Variants in PIEZO2 observed in about 807,000 individuals in gnomAD.
The protein encoded by PIEZO2 is piezo type mechanosensitive ion channel component 2.
Under a neutral mutation model 337.3 loss-of-function variants are expected in PIEZO2, and 172 were observed. The ratio of observed to expected loss-of-function variants is 0.51; its 90% CI spans 0.45 to 0.58. The LOEUF (loss-of-function observed/expected upper bound fraction) is 0.58, where lower values mean the gene tolerates loss of function less well. Ranked by LOEUF, PIEZO2 falls within the 20% of genes least tolerant of loss-of-function variation. The probability of loss-of-function intolerance (pLI) is 0.00; values close to 1 mark genes in which losing one functional copy is unlikely to be tolerated. For synonymous variants in PIEZO2, 1,251 were observed against 1,228.5 expected, an observed-to-expected ratio of 1.02 and a Z score of -0.38; for missense variants, 3,028 against 3,391.3, an observed-to-expected ratio of 0.89 and a Z score of 2.66.
chr18:11,095,180 A>G (rs1568369125), intron 1 of PIEZO2, among the ~76,000 whole-genome samples: 1 of 152,278 alleles, frequency 6.6e-6, no homozygotes, highest in Non-Finnish European at 1.5e-5. Flanking sequence ...GAACTCAGGT[A>G]GACCATTCTT....
At chr18:10,947,279 G>A (rs570402597) in intron 3 of PIEZO2, among the ~76,000 whole-genome samples, 14 of 152,200 alleles carry the variant, frequency 9.2e-5, no homozygotes, top group African/African-American at 3.1e-4. Flanking sequence ...GATGCATTAC[G>A]TCTAAGGGAA....
chr18:10,734,005 C>A (rs1277468811), intron 35 of PIEZO2, among the ~76,000 whole-genome samples: 1 of 151,010 alleles, frequency 6.6e-6, no homozygotes, highest in African/African-American at 2.4e-5. Flanking sequence ...TTCTTTAAGA[C>A]AGGGAGAGCT....
intron 3 of PIEZO2, among the ~76,000 whole-genome samples, chr18:10,916,786 G>A (rs264284): frequency 0.94 from 142,407 of 152,244 alleles, 66,706 homozygotes; most frequent in East Asian, 1. Flanking sequence ...GCCCCAAGGC[G>A]GAGGAGGCAC....
At chr18:10,889,491 T>C (rs761871434) in intron 4 of PIEZO2, among the ~76,000 whole-genome samples, 2 of 152,242 alleles carry the variant, frequency 1.3e-5, no homozygotes, top group Non-Finnish European at 2.9e-5. Context: ...ATTTAGACTA[T>C]GTTTTTGGAA....
chr18:10,970,991 G>A (rs1001149061), intron 3 of PIEZO2, among the ~76,000 whole-genome samples: 4 of 152,112 alleles, frequency 2.6e-5, no homozygotes, highest in Admixed American at 1.3e-4. Flanking sequence ...AATTTCCACC[G>A]ATGGGAAGGA....
chr18:10,780,362 C>A lies in PIEZO2; in HGVS notation c.2497G>T (p.Ala833Ser). ...AGATATACGCGACCATTGACTTTGG[C>A]ATGGCTACGAGGTGGCAGACGGAAG... ...SKEDNTIYSH[A>S]KVNGRVYLII... The change falls in exon 18 of 56, where the codon GCC becomes TCC. Residue 833 changes from alanine (A) to serine (S), a missense_variant. Ala to Ser is a moderately conservative substitution (Grantham distance 99). This residue lies in a region of PIEZO2 where 1,925 missense variants were observed against 2,051.9 expected (regional missense o/e 0.94). Coordinates refer to ENST00000674853, the MANE Select transcript of PIEZO2 (RefSeq NM_001378183.1). 1.4e-6 allele frequency: 1 copy of A among 702,948 alleles called. No homozygotes were observed. Among genetic ancestry groups the A allele is most frequent in the South Asian group, 1.5e-5 (1 of 67,598 alleles). 43.5% of individuals were successfully genotyped at this position (702,948 alleles called of 1,614,324 possible). A position where few individuals can be genotyped will look rare whatever the true frequency, so the allele number is the denominator to read the frequency against.
intron 7 of PIEZO2, among the ~76,000 whole-genome samples, chr18:10,825,087 C>T (rs907727277): frequency 1.3e-5 from 2 of 152,142 alleles, no homozygotes; most frequent in African/African-American, 4.8e-5. Flanking sequence ...TGGTCTTGAA[C>T]TCCTGACCTC....
In PIEZO2 at chr18:10,724,506, G is replaced by C. The variant is rs1273655816; in HGVS notation, c.5030-6247C>G. On this transcript the variant is annotated intron_variant, in intron 36 of 55. Coordinates refer to ENST00000674853, the MANE Select transcript of PIEZO2 (RefSeq NM_001378183.1). The surrounding 1 kb of genome is among the most constrained non-coding windows in gnomAD (Gnocchi z 5.8). ...GGCAATGCGGAGTACAGGGCCTGCT[G>C]GTCCTCTGGTCACACCCACTCATGC... 3.9e-5 allele frequency: 17 copies of C among 439,210 alleles called. No homozygotes were observed. The highest frequency in any genetic ancestry group is 8.1e-5 in the Admixed American group (2 of 24,654). 27.2% of individuals were successfully genotyped at this position (439,210 alleles called of 1,614,324 possible). A position where few individuals can be genotyped will look rare whatever the true frequency, so the allele number is the denominator to read the frequency against.
intron 2 of PIEZO2, among the ~76,000 whole-genome samples, chr18:11,005,105 T>C (rs751691076): frequency 2.0e-5 from 3 of 152,264 alleles, no homozygotes; most frequent in Non-Finnish European, 4.4e-5. Context: ...CTTGTTATTT[T>C]ATTCAGCCAG....
chr18:10,822,155 T>C (rs1345585788), intron 7 of PIEZO2, among the ~76,000 whole-genome samples: 3 of 152,204 alleles, frequency 2.0e-5, no homozygotes, highest in Non-Finnish European at 4.4e-5. Flanking sequence ...TTTAAATGCT[T>C]TCTCTCAACG....
At position 10,791,420 on chromosome 18, in the gene PIEZO2, G is replaced by A; in HGVS notation, c.1759-96C>T. ...ACATTTTCTCCGCATTCCAGTGGGAGCACAATAAATAAACCTTTTTATTGG... is the reference window on the plus strand; with the variant it reads ...ACATTTTCTCCGCATTCCAGTGGGAACACAATAAATAAACCTTTTTATTGG... On this transcript the variant is annotated intron_variant, in intron 13 of 55. Coordinates refer to ENST00000674853, the MANE Select transcript of PIEZO2 (RefSeq NM_001378183.1). The A allele has an allele frequency of 3.8e-6, 5 of 1,307,210 alleles. No homozygotes were observed. In the South Asian group the frequency reaches 8.0e-5, roughly 21 times the overall value. The allele number at this position is 1,307,210 out of a possible 1,614,324, so 81.0% of individuals were successfully genotyped here.
chr18:10,993,857 T>C lies in PIEZO2; in HGVS notation c.161-14197A>G, dbSNP rs567885181. Among the ~76,000 whole-genome samples the C allele has an allele frequency of 6.6e-6, 1 of 152,158 alleles. No homozygotes were observed. Among genetic ancestry groups the C allele is most frequent in the Non-Finnish European group, 1.5e-5 (1 of 68,026 alleles). Reference sequence around the variant, plus strand: ...TCTGCTTTTTTTTTATTATTAATTTTAAAATTTTTCATTTCCATAGGTTTT... The same window carrying C: ...TCTGCTTTTTTTTTATTATTAATTTCAAAATTTTTCATTTCCATAGGTTTT... On this transcript the variant is annotated intron_variant, in intron 2 of 55. Coordinates refer to ENST00000674853, the MANE Select transcript of PIEZO2 (RefSeq NM_001378183.1). The surrounding 1 kb of genome is among the most constrained non-coding windows in gnomAD (Gnocchi z 5.0).
intron 32 of PIEZO2, among the ~76,000 whole-genome samples, chr18:10,741,771 A>C (rs1329801045): frequency 6.6e-6 from 1 of 152,222 alleles, no homozygotes; most frequent in Non-Finnish European, 1.5e-5. Flanking sequence ...TGCCACATAA[A>C]ATACACATAC....
Position 11,105,570 on chromosome 18 carries a change from A to T in PIEZO2, c.65-39348T>A, listed in dbSNP as rs752676009. ...GGTGTGGGGTTTTGACGAAATGAAC[A>T]TACTCATCCTTTATCTGTACAACTA... On this transcript the variant is annotated intron_variant, in intron 1 of 55. Transcript: ENST00000674853. The surrounding 1 kb of genome is among the most constrained non-coding windows in gnomAD (Gnocchi z 4.3). Among the ~76,000 whole-genome samples the T allele has an allele frequency of 6.6e-6, 1 of 152,006 alleles. No homozygotes were observed. Among genetic ancestry groups the T allele is most frequent in the Non-Finnish European group, 1.5e-5 (1 of 68,030 alleles).
chr18:11,103,351 C>T (rs1241587587), intron 1 of PIEZO2, among the ~76,000 whole-genome samples: 1 of 152,190 alleles, frequency 6.6e-6, no homozygotes, highest in Non-Finnish European at 1.5e-5. Context: ...GCTAGGATTA[C>T]AGGCAAGATT....
chr18:10,840,844 A>G (rs1232784595), intron 7 of PIEZO2, among the ~76,000 whole-genome samples: 1 of 152,242 alleles, frequency 6.6e-6, no homozygotes, highest in Non-Finnish European at 1.5e-5. Context: ...GAAAAATGTT[A>G]GAAAACATGC....
At chr18:10,963,986 A>G (rs541704782) in intron 3 of PIEZO2, among the ~76,000 whole-genome samples, 5 of 152,314 alleles carry the variant, frequency 3.3e-5, no homozygotes, top group South Asian at 2.1e-4. Flanking sequence ...GACAGGCTCT[A>G]CAAGGTTCCC....
chr18:10,725,604 C>T (rs774155399), intron 36 of PIEZO2: 4 of 1,314,334 alleles, frequency 3.0e-6, no homozygotes, highest in East Asian at 2.4e-5. Flanking sequence ...TCCTGAGCAG[C>T]CGCCTCCGCC....
chr18:10,688,964 A>G (rs777823263), intron 49 of PIEZO2, among the ~76,000 whole-genome samples: 16 of 152,234 alleles, frequency 1.1e-4, no homozygotes, highest in Non-Finnish European at 2.2e-4. Flanking sequence ...ACAGTACAAC[A>G]GGCCCCATGA....
Sources: allele counts gnomAD v4.1 joint callset (sites outside exome capture counted in the v4.1 genomes callset), GRCh38; gene constraint gnomAD v4.1.1; regional missense constraint gnomAD v4.1.1; non-coding constraint Gnocchi (gnomAD v3.1); transcripts MANE v1.5; gene names NCBI Gene and HGNC (gene_info 2026-07-23, HGNC 2026-07-21).